Variants in ARHGEF6 observed in about 807,000 individuals in gnomAD.
ARHGEF6 encodes the protein rho guanine nucleotide exchange factor 6.
A neutral mutation model predicts 70.3 loss-of-function variants in ARHGEF6; 9 were observed. That is an observed-to-expected ratio of 0.13 (90% CI 0.08 to 0.22). ARHGEF6 has a LOEUF of 0.22. Among genes scored for constraint, ARHGEF6 ranks in the 10% least tolerant of loss-of-function variants. The pLI is 1.00. For missense variants in ARHGEF6, 470 were observed against 563.0 expected (o/e 0.83, Z 1.67); for synonymous variants, 201 against 207.8 (o/e 0.97, Z 0.28).
rs1020236926 is a variant in ARHGEF6, at chrX:136,666,872, G to C, written c.*1157C>G. On this transcript the variant is annotated 3_prime_UTR_variant, in exon 22 of 22. Transcript: ENST00000250617. ...CTACTAGAGGGGCCCTTTTGTTCTG[G>C]ATGTACAAGTTGGACCAGAAGCATA... The C allele has an allele frequency of 8.9e-6, 1 of 112,080 alleles. No homozygotes were observed. The highest frequency in any genetic ancestry group is 1.9e-5 in the Non-Finnish European group (1 of 53,210). The allele number at this position is 112,080 out of a possible 1,213,427, so 9.2% of individuals were successfully genotyped here. A position where few individuals can be genotyped will look rare whatever the true frequency, so the allele number is the denominator to read the frequency against.
At chrX:136,721,192 C>T (rs2076792805) in intron 6 of ARHGEF6, among the ~76,000 whole-genome samples, 1 of 112,206 alleles carries the variant, frequency 8.9e-6, no homozygotes, top group African/African-American at 3.2e-5. Context: ...TCTGCACTCC[C>T]ATGTTCATTT....
chrX:136,702,002 C>G (rs1451585721), intron 9 of ARHGEF6, among the ~76,000 whole-genome samples: 1 of 111,419 alleles, frequency 9.0e-6, no homozygotes, highest in Non-Finnish European at 1.9e-5. Flanking sequence ...CCACCGCACC[C>G]GGCCTCATTT....
intron 6 of ARHGEF6, among the ~76,000 whole-genome samples, chrX:136,716,160 C>T (rs1422328237): frequency 8.9e-6 from 1 of 112,785 alleles, no homozygotes; most frequent in Non-Finnish European, 1.9e-5. Context: ...AAGCTGGTTT[C>T]GAGCTCCTGA....
chrX:136,752,975 G>A (rs2077167988), intron 2 of ARHGEF6, among the ~76,000 whole-genome samples: 1 of 111,875 alleles, frequency 8.9e-6, no homozygotes, highest in Non-Finnish European at 1.9e-5. Flanking sequence ...AATCTGAGCT[G>A]CTTAGTCATA....
intron 4 of ARHGEF6, 62 bp from the exon 5 acceptor site, chrX:136,743,848 A>G: frequency 1.9e-6 from 2 of 1,037,310 alleles, no homozygotes; most frequent in Non-Finnish European, 2.7e-6. Context: ...GGTAGAAATG[A>G]TATGGATATA....
chrX:136,713,239 G>A (rs1449736114), intron 7 of ARHGEF6, 37 bp downstream of exon 7: 1 of 990,290 alleles, frequency 1.0e-6, no homozygotes, highest in Non-Finnish European at 1.4e-6. Context: ...ACATTATGTT[G>A]CTTTACTTAG....
intron 2 of ARHGEF6, 61 bp from the exon 3 acceptor site, chrX:136,747,653 C>T: frequency 2.5e-6 from 1 of 394,305 alleles, no homozygotes; most frequent in Non-Finnish European, 4.2e-6. Flanking sequence ...ACAAACAAAA[C>T]TATCAAAAGG....
intron 15 of ARHGEF6, among the ~76,000 whole-genome samples, chrX:136,680,468 G>T (rs1403876368): frequency 1.8e-5 from 2 of 112,349 alleles, no homozygotes; most frequent in Admixed American, 1.9e-4. Flanking sequence ...AGGACTTCTG[G>T]TTAGAAATAC....
intron 1 of ARHGEF6, 107 bp downstream of exon 1, chrX:136,780,611 T>TG: frequency 1.4e-6 from 1 of 731,515 alleles, no homozygotes; most frequent in Non-Finnish European, 2.1e-6. Context: ...AGAAAAATAT[T>TG]AAAGTAGGAG....
intron 6 of ARHGEF6, among the ~76,000 whole-genome samples, chrX:136,727,389 C>CTT (rs531251568): frequency 1.4e-5 from 1 of 72,984 alleles, no homozygotes; most frequent in Middle Eastern, 6.1e-3. Flanking sequence ...TTCTTTCTTT[C>CTT]TTTCTTTCTC....
At chrX:136,774,021 T>C (rs952470296) in intron 2 of ARHGEF6, 1 of 112,127 alleles carries the variant, frequency 8.9e-6, no homozygotes, top group Admixed American at 9.5e-5. Flanking sequence ...GCAGCCCATA[T>C]ACTAAAATTG....
At chrX:136,727,395 T>TTCTTTCTCTCTC (rs1491576833) in intron 6 of ARHGEF6, among the ~76,000 whole-genome samples, 1 of 53,614 alleles carries the variant, frequency 1.9e-5, no homozygotes, top group Non-Finnish European at 3.5e-5. Flanking sequence ...CTTTCTTTCT[T>TTCTTTCTCTCTC]TCTCTCTCTC....
chrX:136,764,735 G>A (rs763080517), intron 2 of ARHGEF6, among the ~76,000 whole-genome samples: 42 of 111,487 alleles, frequency 3.8e-4, no homozygotes, highest in Admixed American at 3.1e-3. Flanking sequence ...GTCAGTTTGC[G>A]AAGATTCACC....
At chrX:136,708,200 C>A (rs1243604115) in intron 8 of ARHGEF6, among the ~76,000 whole-genome samples, 5 of 110,527 alleles carry the variant, frequency 4.5e-5, no homozygotes, top group Non-Finnish European at 7.6e-5. Context: ...CCATCACACA[C>A]TGGGGCCTGT....
chrX:136,718,604 T>C (rs1372743333), intron 6 of ARHGEF6, among the ~76,000 whole-genome samples: 1 of 111,710 alleles, frequency 9.0e-6, no homozygotes, highest in Admixed American at 9.5e-5. Context: ...TATGAAAAAC[T>C]GTTAAATAAT....
chrX:136,736,165 C>CA (rs1373030134), intron 5 of ARHGEF6, among the ~76,000 whole-genome samples: 1 of 111,568 alleles, frequency 9.0e-6, no homozygotes, highest in Non-Finnish European at 1.9e-5. Context: ...AAAACAGAGA[C>CA]AAAAATTTAA....
intron 11 of ARHGEF6, among the ~76,000 whole-genome samples, chrX:136,686,244 A>T (rs1007401462): frequency 9.0e-6 from 1 of 111,269 alleles, no homozygotes; most frequent in African/African-American, 3.3e-5. Context: ...TTAGTGACAA[A>T]ATAATTGTAT....
At chrX:136,687,032 A>G (rs1050569464) in intron 11 of ARHGEF6, among the ~76,000 whole-genome samples, 1 of 110,245 alleles carries the variant, frequency 9.1e-6, no homozygotes, top group Non-Finnish European at 1.9e-5. Context: ...GGTTTTTAAA[A>G]AGACTCATTT....
chrX:136,730,098 C>T (rs1179029575), intron 6 of ARHGEF6, among the ~76,000 whole-genome samples: 1 of 109,552 alleles, frequency 9.1e-6, no homozygotes, highest in East Asian at 2.8e-4. Context: ...ATTTATATAA[C>T]TAGTTATATA....
Sources: allele counts gnomAD v4.1 joint callset (sites outside exome capture counted in the v4.1 genomes callset), GRCh38; gene constraint gnomAD v4.1.1; transcripts MANE v1.5; gene names NCBI Gene and HGNC (gene_info 2026-07-23, HGNC 2026-07-21).